Variants in EPB42 observed in about 807,000 individuals in gnomAD.
EPB42 encodes erythrocyte membrane protein band 4.2.
Under a neutral mutation model 76.9 loss-of-function variants are expected in EPB42, and 49 were observed. The observed-to-expected ratio is 0.64, with a 90% confidence interval of 0.51 to 0.81. The LOEUF (loss-of-function observed/expected upper bound fraction) is 0.81, where lower values mean the gene tolerates loss of function less well. Ranked by LOEUF, EPB42 falls within the 30% of genes least tolerant of loss-of-function variation. The probability of loss-of-function intolerance (pLI) is 0.00; values close to 1 mark genes in which losing one functional copy is unlikely to be tolerated. For missense variants in EPB42, 731 were observed against 867.6 expected (o/e 0.84, Z 1.98); for synonymous variants, 310 against 338.4 (o/e 0.92, Z 0.92).
At chr15:43,218,791 G>A (rs954486966) in intron 1 of EPB42, among the ~76,000 whole-genome samples, 6 of 152,176 alleles carry the variant, frequency 3.9e-5, no homozygotes, top group Non-Finnish European at 8.8e-5. Context: ...TGGTTTCTTG[G>A]TTTATCTCTG....
chr15:43,213,120 GTTTTTTA>G (rs1567280523), intron 3 of EPB42, among the ~76,000 whole-genome samples: 2 of 152,094 alleles, frequency 1.3e-5, no homozygotes, highest in Non-Finnish European at 1.5e-5. Flanking sequence ...AGGCATCACT[GTTTTTTA>G]TTTTTTATTT....
chr15:43,220,667 C>T, intron 1 of EPB42, 149 bp downstream of exon 1: 1 of 1,324,520 alleles, frequency 7.5e-7, no homozygotes, highest in Non-Finnish European at 1.1e-6. Context: ...CCCACAGCCA[C>T]CTCATTATCA....
chr15:43,218,652 G>T (rs2042413849), intron 1 of EPB42, among the ~76,000 whole-genome samples: 1 of 152,256 alleles, frequency 6.6e-6, no homozygotes. Context: ...CTCCGTCAAT[G>T]AATGGATGAG....
At position 43,206,967 on chromosome 15, in the gene EPB42, T is replaced by C. The variant is rs1021866885; in HGVS notation, c.1318+232A>G. Among the ~76,000 whole-genome samples the C allele has an allele frequency of 1.3e-5, 2 of 152,212 alleles. No individual in the cohort carries two copies. Among genetic ancestry groups the C allele is most frequent in the Non-Finnish European group, 2.9e-5 (2 of 68,040 alleles). On this transcript the variant is annotated intron_variant, in intron 9 of 12. Transcript: ENST00000441366. This position sits in a 1 kb window ranked among gnomAD's most constrained non-coding sequence, Gnocchi z 4.7. Reference sequence around the variant, plus strand: ...CTGAATTTTCCTATGTGAAAGAATTTAGACTTCCTCTGAGGGTCAGGAATG... The same window carrying C: ...CTGAATTTTCCTATGTGAAAGAATTCAGACTTCCTCTGAGGGTCAGGAATG...
At chr15:43,210,497 G>A in intron 4 of EPB42, 58 bp from the exon 5 acceptor site, 1 of 1,503,002 alleles carries the variant, frequency 6.7e-7, no homozygotes, top group Non-Finnish European at 9.2e-7. Flanking sequence ...CATGAGGAAG[G>A]GTCCCCAGGT....
At position 43,207,380 on chromosome 15, in the gene EPB42, G is replaced by A. The variant is rs113507003; in HGVS notation, c.1137C>T (p.Thr379=). 2 of 1,614,174 alleles carry A rather than the reference G, an allele frequency of 1.2e-6. No homozygotes were observed. Among genetic ancestry groups the A allele is most frequent in the East Asian group, 2.2e-5 (1 of 44,876 alleles). The change falls in exon 9 of 13, where the codon ACC becomes ACT. Residue 379 remains threonine, a synonymous_variant. Transcript: ENST00000441366. ...RAVKEGTLGL[T]PAVSDLFAAI... ...CAGCAAAAAGGTCTGACACTGCTGG[G>A]GTCAGCCCCAGCGTCCCCTCCTTGA...
intron 10 of EPB42, among the ~76,000 whole-genome samples, chr15:43,204,686 TTAATA>T (rs2042174103): frequency 6.6e-6 from 1 of 152,298 alleles, no homozygotes; most frequent in Non-Finnish European, 1.5e-5. Flanking sequence ...TCTCAACTCC[TTAATA>T]TGTTTTAACT....
intron 12 of EPB42, among the ~76,000 whole-genome samples, chr15:43,200,016 C>T (rs776585140): frequency 2.0e-5 from 3 of 152,146 alleles, no homozygotes; most frequent in East Asian, 1.9e-4. Flanking sequence ...AGCGTGAACA[C>T]GAACTAATAT....
chr15:43,216,637 A>T (rs1283328926), intron 1 of EPB42, among the ~76,000 whole-genome samples, 184 bp from the exon 2 acceptor site: 1 of 152,174 alleles, frequency 6.6e-6, no homozygotes. Flanking sequence ...TAGAATAATC[A>T]TCCCTCCCTT....
Position 43,206,657 on chromosome 15 carries a change from CT to C in EPB42, c.1319-29del. On this transcript the variant is annotated intron_variant, in intron 9 of 12. Transcript: ENST00000441366. The surrounding 1 kb of genome is among the most constrained non-coding windows in gnomAD (Gnocchi z 4.7). ...GGAGAAGGGAAGAAACAAAGCTGACCTTTTACCCGGGTGGTATAAATGCTTC... is the reference window on the plus strand; with the variant it reads ...GGAGAAGGGAAGAAACAAAGCTGACCTTTACCCGGGTGGTATAAATGCTTC... The C allele has an allele frequency of 1.2e-6, 2 of 1,613,734 alleles. No individual in the cohort carries two copies. Among genetic ancestry groups the C allele is most frequent in the South Asian group, 1.1e-5 (1 of 90,992 alleles).
chr15:43,225,354 A>T (rs1456231041), upstream of EPB42, among the ~76,000 whole-genome samples: 1 of 152,240 alleles, frequency 6.6e-6, no homozygotes, highest in Non-Finnish European at 1.5e-5. Context: ...GTCTGGCTGA[A>T]AGAACTATTT....
intron 3 of EPB42, among the ~76,000 whole-genome samples, chr15:43,212,363 C>T (rs1337222215): frequency 3.3e-5 from 4 of 120,966 alleles, no homozygotes; most frequent in Non-Finnish European, 5.1e-5. Context: ...GAGTGAAACT[C>T]CGTCTCAAAA....
In EPB42 at chr15:43,207,216, T is replaced by C. The variant is rs775457541; in HGVS notation, c.1301A>G (p.Asn434Ser). ...GCCCGTACCTTCAGGATACTTGTAG[T>C]TCTGAGTGATGTCCTCGCAGCGGTC... ...GSDRCEDITQ[N>S]YKYPEGSLQE... Residue 434 changes from asparagine (N) to serine (S), a missense_variant, in exon 9 of 13, where the codon AAC (asparagine) becomes AGC (serine). Physicochemically the swap from Asn to Ser is conservative, Grantham distance 46 (BLOSUM62 1). Coordinates refer to ENST00000441366, the MANE Select transcript of EPB42 (RefSeq NM_001114134.2). 8.7e-6 allele frequency: 14 copies of C among 1,614,064 alleles called. No individual in the cohort carries two copies. In the South Asian group the frequency reaches 1.4e-4, roughly 16 times the overall value.
chr15:43,207,842 C>A (rs1456865392), intron 8 of EPB42, among the ~76,000 whole-genome samples: 6 of 152,162 alleles, frequency 3.9e-5, no homozygotes, highest in African/African-American at 9.7e-5. Flanking sequence ...TTTTGTGGGT[C>A]CTGAAGCTTC....
intron 12 of EPB42, among the ~76,000 whole-genome samples, chr15:43,199,436 G>T (rs1408675970): frequency 6.6e-6 from 1 of 152,052 alleles, no homozygotes; most frequent in Non-Finnish European, 1.5e-5. Context: ...CCTTTGTTTT[G>T]GCCAATTTCT....
At position 43,208,563 on chromosome 15, in the gene EPB42, G is replaced by C. The variant is rs186912703; in HGVS notation, c.971+74C>G. 6.9e-6 allele frequency: 11 copies of C among 1,589,354 alleles called. No homozygotes were observed. In the African/African-American group the frequency reaches 1.5e-4, roughly 21 times the overall value. ...ATGCCAGGGCCATGCAGGGGGTGGG[G>C]CTCCTGCAGAGGTGTGCTATGCAGG... On this transcript the variant is annotated intron_variant, in intron 7 of 12. Coordinates refer to ENST00000441366, the MANE Select transcript of EPB42 (RefSeq NM_001114134.2).
chr15:43,212,301 G>A lies in EPB42; in HGVS notation c.431-767C>T, dbSNP rs1394987958. 9.3e-5 allele frequency among the ~76,000 whole-genome samples: 14 copies of A among 150,766 alleles called. 1 individual carries two copies. Among genetic ancestry groups the A allele is most frequent in the African/African-American group, 2.9e-4 (12 of 40,932 alleles). The stretch of plus-strand genomic sequence containing the variant: ...GAAGAATCTCTTGAATCCAGGAGGC[G>A]GAGGCTGCAGTGAGCTGAGATCATG... On this transcript the variant is annotated intron_variant, in intron 3 of 12. Coordinates refer to ENST00000441366, the MANE Select transcript of EPB42 (RefSeq NM_001114134.2).
At position 43,203,212 on chromosome 15, in the gene EPB42, A is replaced by G; in HGVS notation, c.1682T>C (p.Phe561Ser). Residue 561 changes from phenylalanine to serine, a missense_variant, in exon 11 of 13, where the codon TTC (phenylalanine) becomes TCC (serine). Phe to Ser is a radical substitution (Grantham distance 155). Coordinates refer to ENST00000441366, the MANE Select transcript of EPB42 (RefSeq NM_001114134.2). ...NFERNPPENT[F>S]LRLTAMATHS... ...TGTTGCCATGGCGGTGAGTCTAAGGAAGGTGTTCTCGGGTGGGTTTCGCTC... is the reference window on the plus strand; with the variant it reads ...TGTTGCCATGGCGGTGAGTCTAAGGGAGGTGTTCTCGGGTGGGTTTCGCTC... The G allele has an allele frequency of 3.1e-6, 5 of 1,614,134 alleles. No individual in the cohort carries two copies. Among genetic ancestry groups the G allele is most frequent in the South Asian group, 2.2e-5 (2 of 91,070 alleles).
chr15:43,210,102 TGC>T (rs1281699923), intron 5 of EPB42, among the ~76,000 whole-genome samples: 1 of 152,230 alleles, frequency 6.6e-6, no homozygotes, highest in Non-Finnish European at 1.5e-5. Flanking sequence ...CTTAGTCTTC[TGC>T]GGGCTTGCAT....
Sources: allele counts gnomAD v4.1 joint callset (sites outside exome capture counted in the v4.1 genomes callset), GRCh38; gene constraint gnomAD v4.1.1; non-coding constraint Gnocchi (gnomAD v3.1); transcripts MANE v1.5; gene names NCBI Gene and HGNC (gene_info 2026-07-23, HGNC 2026-07-21).